DCAF6: variants seen among roughly 807,000 people sequenced by gnomAD.
DCAF6 encodes DDB1- and CUL4-associated factor 6.
DCAF6 carries 54 observed loss-of-function variants against 125.1 expected under a neutral mutation model. The observed-to-expected ratio is 0.43, with a 90% CI of 0.35 to 0.54. DCAF6 has a LOEUF of 0.54. Among genes scored for constraint, DCAF6 ranks in the 20% least tolerant of loss-of-function variants. The pLI is 0.01. For synonymous variants in DCAF6, 371 were observed against 390.4 expected (o/e 0.95, Z 0.58); for missense variants, 934 against 1,161.7 (o/e 0.80, Z 2.85).
intron 17 of DCAF6, among the ~76,000 whole-genome samples, chr1:168,056,590 A>G (rs1243101211): frequency 1.3e-5 from 2 of 152,226 alleles, no homozygotes; most frequent in African/African-American, 2.4e-5. Context: ...CTGTTGTCCA[A>G]AGTGTTCTGA....
At chr1:168,046,299 A>G (rs1689144398) in intron 16 of DCAF6, among the ~76,000 whole-genome samples, 1 of 152,170 alleles carries the variant, frequency 6.6e-6, no homozygotes, top group African/African-American at 2.4e-5. Flanking sequence ...CACTAATTAA[A>G]TGATAGCTGT....
At chr1:168,010,322 A>G (rs1166468419) in intron 10 of DCAF6, among the ~76,000 whole-genome samples, 5 of 152,178 alleles carry the variant, frequency 3.3e-5, no homozygotes, top group South Asian at 4.1e-4. Context: ...GAATATGGGT[A>G]TGAAAATAAT....
At chr1:167,982,274 G>A (rs141531616) in intron 4 of DCAF6, among the ~76,000 whole-genome samples, 2 of 151,818 alleles carry the variant, frequency 1.3e-5, no homozygotes, top group Non-Finnish European at 2.9e-5. Flanking sequence ...ACGGAGTCTC[G>A]CTTCATCGCC....
the DCAF6 span, among the ~76,000 whole-genome samples, chr1:167,928,517 G>A: frequency 1.3e-5 from 2 of 152,072 alleles, no homozygotes; most frequent in African/African-American, 4.8e-5. Flanking sequence ...CCAGAAAACA[G>A]CAATTGATCA....
At position 168,009,386 on chromosome 1, in the gene DCAF6, CCTTTCTTT is replaced by C. The variant is rs1291602671; in HGVS notation, c.1378+4604_1378+4611del. 1.4e-3 allele frequency among the ~76,000 whole-genome samples: 104 copies of C among 75,608 alleles called. No individual in the cohort carries two copies. In the East Asian group the frequency reaches 0.024, roughly 18 times the overall value. 49.6% of individuals were successfully genotyped at this position (75,608 alleles called of 152,430 possible). A position where few individuals can be genotyped will look rare whatever the true frequency, so the allele number is the denominator to read the frequency against. ...TCCTTCCTTCCTTCCTTCCTTCCTT[CCTTTCTTT>C]CTTTCTTTCTCTCTCTCTCTTTTGT... On this transcript the variant is annotated intron_variant, in intron 10 of 21. Transcript: ENST00000367840.
chr1:168,039,080 A>G (rs1354827695), intron 13 of DCAF6, among the ~76,000 whole-genome samples: 2 of 151,804 alleles, frequency 1.3e-5, no homozygotes, highest in African/African-American at 2.4e-5. Context: ...TTTGTTTACC[A>G]TTTTTTACCA....
At position 168,015,562 on chromosome 1, in the gene DCAF6, T is replaced by C. The variant is rs199795203; in HGVS notation, c.1379-219T>C. ...ACTTAAATATTCCTAGAGAAATATA[T>C]GTATCTAATTCATCGTAGTTAAATA... On this transcript the variant is annotated intron_variant, in intron 10 of 21. Transcript: ENST00000367840. Among the ~76,000 whole-genome samples, 23 of 152,314 alleles carry C rather than the reference T, an allele frequency of 1.5e-4. No homozygotes were observed. The East Asian group carries it at 4.2e-3, about 28-fold the overall frequency.
At chr1:167,898,219 A>G in the DCAF6 span, among the ~76,000 whole-genome samples, 1 of 151,390 alleles carries the variant, frequency 6.6e-6, no homozygotes, top group Non-Finnish European at 1.5e-5. Flanking sequence ...TAGGTGAGGG[A>G]TATATGGAAA....
chr1:168,074,183 C>T (rs144887393), intron 21 of DCAF6, among the ~76,000 whole-genome samples: 34 of 151,946 alleles, frequency 2.2e-4, no homozygotes, highest in Admixed American at 4.6e-4. Flanking sequence ...TTAAAAGGGA[C>T]ATATAGTCCC....
At chr1:167,893,909 C>G in the DCAF6 span, 4 of 1,613,496 alleles carry the variant, frequency 2.5e-6, no homozygotes, top group African/African-American at 1.3e-5. Flanking sequence ...AGTTCAGGAT[C>G]AGGCTTCAGC....
chr1:167,987,720 G>A, intron 5 of DCAF6, 112 bp downstream of exon 5: 2 of 559,220 alleles, frequency 3.6e-6, no homozygotes, highest in Middle Eastern at 4.7e-4. Flanking sequence ...TTATGTGGAT[G>A]GTAAGATTAT....
the DCAF6 span, chr1:167,903,918 G>T: frequency 6.2e-7 from 1 of 1,613,620 alleles, no homozygotes; most frequent in Non-Finnish European, 8.5e-7. Context: ...GGTAGTTGAG[G>T]ATCTCCACCA....
At chr1:167,975,092 A>T (rs1677940365) in intron 4 of DCAF6, 77 bp downstream of exon 4, 3 of 848,692 alleles carry the variant, frequency 3.5e-6, no homozygotes, top group Admixed American at 6.0e-5. Flanking sequence ...GTGTAGATGC[A>T]TGTGTGTACA....
chr1:168,044,942 CAGG>C lies in DCAF6; in HGVS notation c.1976_1978del (p.Gly659del). Reference sequence around the variant, plus strand: ...ACAGCCAAGCCATTGGATTCCAACTCAGGAGAAAGAAATGACCTCAATCTTGAT... The same window carrying C: ...ACAGCCAAGCCATTGGATTCCAACTCAGAAAGAAATGACCTCAATCTTGAT... On this transcript the variant is annotated inframe_deletion, in exon 16 of 22. Coordinates refer to ENST00000367840, the MANE Select transcript of DCAF6 (RefSeq NM_001198956.2). 2 of 1,614,028 alleles carry C rather than the reference CAGG, an allele frequency of 1.2e-6. No homozygotes were observed. Among genetic ancestry groups the C allele is most frequent in the African/African-American group, 1.3e-5 (1 of 75,012 alleles).
intron 4 of DCAF6, among the ~76,000 whole-genome samples, chr1:167,982,481 T>C (rs776479393): frequency 2.6e-5 from 4 of 152,238 alleles, no homozygotes; most frequent in Non-Finnish European, 5.9e-5. Flanking sequence ...GACCTCATGA[T>C]CTGCCTGCCT....
At chr1:168,055,207 GAT>G (rs1484023712) in intron 17 of DCAF6, among the ~76,000 whole-genome samples, 12 of 151,992 alleles carry the variant, frequency 7.9e-5, no homozygotes, top group African/African-American at 2.9e-4. Context: ...TGAAAGTAGA[GAT>G]ATAGAAATGT....
chr1:167,920,769 G>A, the DCAF6 span: 1 of 856,740 alleles, frequency 1.2e-6, no homozygotes, highest in Non-Finnish European at 1.7e-6. Context: ...TTAAGAAAAT[G>A]TAGATTACAA....
the DCAF6 span, chr1:167,901,666 C>A: frequency 1.9e-6 from 3 of 1,614,124 alleles, no homozygotes; most frequent in East Asian, 4.5e-5. Flanking sequence ...GCTTACCTAT[C>A]TTGACTCGGA....
the DCAF6 span, among the ~76,000 whole-genome samples, chr1:167,926,610 ACTGCTGCAGATG>A: frequency 1.3e-5 from 2 of 152,196 alleles, no homozygotes; most frequent in East Asian, 3.8e-4. Flanking sequence ...TGGTGCCCCA[ACTGCTGCAGATG>A]CTGCTGCTGC....
Sources: allele counts gnomAD v4.1 joint callset (sites outside exome capture counted in the v4.1 genomes callset), GRCh38; gene constraint gnomAD v4.1.1; transcripts MANE v1.5; gene names NCBI Gene and HGNC (gene_info 2026-07-23, HGNC 2026-07-21).